The following TAF1A variants were observed in gnomAD, a reference collection of about 807,000 sequenced individuals.
TAF1A encodes the protein TATA box-binding protein-associated factor RNA polymerase I subunit A.
TAF1A carries 42 observed loss-of-function variants against 61.6 expected under a neutral mutation model. That is an observed-to-expected ratio of 0.68 (90% CI 0.53 to 0.88). The LOEUF (loss-of-function observed/expected upper bound fraction) is 0.88, where lower values mean the gene tolerates loss of function less well. TAF1A is among the 40% of genes least tolerant of loss of function. The pLI, the probability that TAF1A is intolerant of heterozygous loss-of-function variation, is 0.00. For synonymous variants in TAF1A, 179 were observed against 177.7 expected, an observed-to-expected ratio of 1.01 and a Z score of -0.06; for missense variants, 424 against 518.7, an observed-to-expected ratio of 0.82 and a Z score of 1.77.
At chr1:222,577,051 GC>G (rs1333148130) in intron 5 of TAF1A, among the ~76,000 whole-genome samples, 1 of 152,128 alleles carries the variant, frequency 6.6e-6, no homozygotes, top group African/African-American at 2.4e-5. Flanking sequence ...TGGTGGTTCT[GC>G]CTTCTGCTTT....
intron 5 of TAF1A, among the ~76,000 whole-genome samples, chr1:222,571,906 C>T (rs1660368405): frequency 6.6e-6 from 1 of 151,994 alleles, no homozygotes; most frequent in Non-Finnish European, 1.5e-5. Context: ...TTAAAAAGGA[C>T]AAAGTTGGAT....
At chr1:222,556,469 C>A (rs1452660107), downstream of TAF1A, among the ~76,000 whole-genome samples, 1 of 152,162 alleles carries the variant, frequency 6.6e-6, no homozygotes, top group African/African-American at 2.4e-5. Context: ...GGTGCCAACA[C>A]CTATGAGCTG....
intron 9 of TAF1A, among the ~76,000 whole-genome samples, chr1:222,562,317 G>A (rs1659951035): frequency 6.6e-6 from 1 of 152,132 alleles, no homozygotes. Context: ...TTGAGCAAAT[G>A]CTTATTGGCA....
chr1:222,577,121 G>A (rs1369353054), intron 5 of TAF1A, among the ~76,000 whole-genome samples: 1 of 150,968 alleles, frequency 6.6e-6, no homozygotes, highest in Non-Finnish European at 1.5e-5. Flanking sequence ...AATTGGAATG[G>A]AGTTTAGCTC....
chr1:222,578,315 T>A (rs143336274), intron 4 of TAF1A, among the ~76,000 whole-genome samples: 2 of 152,272 alleles, frequency 1.3e-5, no homozygotes, highest in African/African-American at 4.8e-5. Flanking sequence ...CAATAAGTTG[T>A]CAACTGGCCT....
At chr1:222,556,461 T>G (rs995376406), downstream of TAF1A, among the ~76,000 whole-genome samples, 12 of 152,228 alleles carry the variant, frequency 7.9e-5, no homozygotes, top group Non-Finnish European at 1.5e-4. Flanking sequence ...GGGATCCTGG[T>G]GCCAACACCT....
intron 3 of TAF1A, among the ~76,000 whole-genome samples, chr1:222,583,648 G>A (rs770365203): frequency 1.3e-5 from 2 of 151,964 alleles, no homozygotes; most frequent in Non-Finnish European, 2.9e-5. Context: ...GACCGTCCTG[G>A]CCAACCTGGT....
downstream of TAF1A, among the ~76,000 whole-genome samples, chr1:222,554,252 T>C (rs1192391127): frequency 1.3e-5 from 2 of 152,196 alleles, no homozygotes; most frequent in African/African-American, 4.8e-5. Context: ...ATTAAACAAC[T>C]GGCAGTGGTA....
intron 5 of TAF1A, among the ~76,000 whole-genome samples, chr1:222,577,201 T>A (rs1660605992): frequency 6.6e-6 from 1 of 152,120 alleles, no homozygotes; most frequent in African/African-American, 2.4e-5. Flanking sequence ...TATCCTGGAC[T>A]AAATCACATT....
At chr1:222,571,936 G>A (rs750170923) in intron 5 of TAF1A, among the ~76,000 whole-genome samples, 3 of 152,132 alleles carry the variant, frequency 2.0e-5, no homozygotes, top group Non-Finnish European at 4.4e-5. Flanking sequence ...TATGACTATG[G>A]CCAGGCATGG....
At chr1:222,572,242 T>C (rs1660388121) in intron 5 of TAF1A, among the ~76,000 whole-genome samples, 1 of 148,528 alleles carries the variant, frequency 6.7e-6, no homozygotes, top group Non-Finnish European at 1.5e-5. Flanking sequence ...AAAAAAGTAC[T>C]ACAAAGCTGT....
intron 8 of TAF1A, 68 bp from the exon 9 acceptor site, chr1:222,563,364 A>T: frequency 6.6e-7 from 1 of 1,507,770 alleles, no homozygotes; most frequent in African/African-American, 1.4e-5. Flanking sequence ...ATTTACATGT[A>T]TACATTTTAT....
downstream of TAF1A, among the ~76,000 whole-genome samples, chr1:222,557,612 G>A (rs1359429214): frequency 1.6e-5 from 2 of 124,810 alleles, no homozygotes; most frequent in African/African-American, 3.0e-5. Context: ...CACCAAGCCC[G>A]GCTAATTTTT....
intron 5 of TAF1A, among the ~76,000 whole-genome samples, 190 bp downstream of exon 5, chr1:222,577,255 A>C (rs956648083): frequency 2.6e-5 from 4 of 152,210 alleles, no homozygotes; most frequent in African/African-American, 7.2e-5. Context: ...TTAATTATGA[A>C]CCATCTAATT....
intron 5 of TAF1A, among the ~76,000 whole-genome samples, chr1:222,576,719 C>T (rs904423421): frequency 1.3e-5 from 2 of 152,176 alleles, no homozygotes; most frequent in Non-Finnish European, 2.9e-5. Flanking sequence ...ATTCTTTAAA[C>T]ATATTATTCT....
intron 4 of TAF1A, 23 bp from the exon 5 acceptor site, chr1:222,577,666 C>T (rs775008450): frequency 6.2e-7 from 1 of 1,604,404 alleles, no homozygotes; most frequent in Non-Finnish European, 8.5e-7. Flanking sequence ...TAAGGGTACA[C>T]CGCCATTTAA....
chr1:222,584,341 A>G, intron 2 of TAF1A, 44 bp from the exon 3 acceptor site: 1 of 1,531,480 alleles, frequency 6.5e-7, no homozygotes, highest in Non-Finnish European at 8.7e-7. Context: ...AAGTGGCTCC[A>G]GTTCAACTAT....
At chr1:222,564,639 C>A (rs1425170736) in intron 7 of TAF1A, among the ~76,000 whole-genome samples, 1 of 151,958 alleles carries the variant, frequency 6.6e-6, no homozygotes, top group African/African-American at 2.4e-5. Context: ...TTTTAACAAC[C>A]TTTCACACAA....
chr1:222,566,619 C>T (rs975913416), intron 7 of TAF1A, among the ~76,000 whole-genome samples: 1 of 152,104 alleles, frequency 6.6e-6, no homozygotes, highest in Non-Finnish European at 1.5e-5. Flanking sequence ...GTTCACAATA[C>T]GGTCCGGGCT....
Sources: gnomAD v4.1 joint callset for allele counts (sites outside exome capture counted in the v4.1 genomes callset) on GRCh38, gnomAD v4.1.1 for gene constraint, MANE v1.5 for transcripts, NCBI Gene and HGNC (gene_info 2026-07-23, HGNC 2026-07-21) for gene names.